FYB1: variants seen among roughly 807,000 people sequenced by gnomAD.
The protein encoded by FYB1 is FYN binding protein 1.
In FYB1, 41 loss-of-function variants were observed where a neutral mutation model predicts 94.1. The observed-to-expected ratio is 0.44, with a 90% confidence interval of 0.34 to 0.57. The LOEUF is 0.57. FYB1 is among the 20% of genes least tolerant of loss of function. The probability of loss-of-function intolerance (pLI) is 0.02; values close to 1 mark genes in which losing one functional copy is unlikely to be tolerated. For missense variants in FYB1, 1,050 were observed against 976.8 expected (o/e 1.07, Z -1.00); for synonymous variants, 367 against 353.2 (o/e 1.04, Z -0.44).
At position 39,126,043 on chromosome 5, in the gene FYB1, C is replaced by G; in HGVS notation, c.2000G>C (p.Arg667Pro). 1 of 1,613,424 alleles carries G rather than the reference C, an allele frequency of 6.2e-7. No individual in the cohort carries two copies. Among genetic ancestry groups the G allele is most frequent in the Non-Finnish European group, 8.5e-7 (1 of 1,179,608 alleles). The change falls in exon 12 of 19, where the codon CGA becomes CCA. Residue 667 changes from arginine to proline, a missense_variant. By Grantham distance (103) the Arg-to-Pro change is moderately radical. Transcript: ENST00000512982. ...TGAGTCAGAGACTTTAGGTTTCTCT[C>G]GTATACTTTTCTTTCTGTCATCTTT... Reference protein sequence around the residue: ...KGKDDRKKSIREKPKVSDSDN... With the variant: ...KGKDDRKKSIPEKPKVSDSDN...
rs539020714 is a variant in FYB1, at chr5:39,166,357, A to G, written c.1136-12753T>C. 4.6e-5 allele frequency among the ~76,000 whole-genome samples: 7 copies of G among 152,024 alleles called. No homozygotes were observed. The South Asian group carries it at 1.5e-3, about 32-fold the overall frequency. ...AGGCTGAGGCAGGAGAATAGCTTGA[A>G]CCCAGGAGGTGGAGGTTGTGGTGAG... On this transcript the variant is annotated intron_variant, in intron 2 of 18. Coordinates refer to ENST00000512982, the MANE Select transcript of FYB1 (RefSeq NM_001465.6).
At chr5:39,114,941 G>A (rs1008257494) in intron 16 of FYB1, among the ~76,000 whole-genome samples, 8 of 152,134 alleles carry the variant, frequency 5.3e-5, no homozygotes, top group Non-Finnish European at 1.2e-4. Context: ...AGCAAAAGAA[G>A]TATCATGGTA....
chr5:39,273,377 T>C (rs1464403925), intron 1 of FYB1, among the ~76,000 whole-genome samples: 2 of 152,226 alleles, frequency 1.3e-5, no homozygotes, highest in African/African-American at 4.8e-5. Context: ...CACAAGTATA[T>C]TTTCATATTT....
At chr5:39,109,019 A>C (rs1738806854) in intron 17 of FYB1, among the ~76,000 whole-genome samples, 1 of 152,138 alleles carries the variant, frequency 6.6e-6, no homozygotes, top group Non-Finnish European at 1.5e-5. Flanking sequence ...ATAAGAAATA[A>C]AAATAGAGAG....
intron 2 of FYB1, among the ~76,000 whole-genome samples, chr5:39,178,692 A>C (rs1248497310): frequency 6.6e-6 from 1 of 152,208 alleles, no homozygotes; most frequent in Admixed American, 6.5e-5. Context: ...AGATTCAAAA[A>C]AATGCATAAG....
At position 39,105,936 on chromosome 5, in the gene FYB1, T is replaced by C. The variant is rs181750610; in HGVS notation, c.*1507A>G. On this transcript the variant is annotated 3_prime_UTR_variant, in exon 19 of 19. Transcript: ENST00000512982. ...TGTTATCAAATTTCAAAGCACCTAA[T>C]GGAAACCCCACTTCATCTCTGTGAA... The C allele has an allele frequency of 1.3e-5, 2 of 152,284 alleles. No homozygotes were observed. The highest frequency in any genetic ancestry group is 6.5e-5 in the Admixed American group (1 of 15,278). 9.4% of individuals were successfully genotyped at this position (152,284 alleles called of 1,614,324 possible). A position where few individuals can be genotyped will look rare whatever the true frequency, so the allele number is the denominator to read the frequency against.
intron 1 of FYB1, among the ~76,000 whole-genome samples, chr5:39,209,329 GT>G (rs5867446): frequency 0.73 from 98,588 of 135,614 alleles, 38,138 homozygotes; most frequent in Non-Finnish European, 0.89. Flanking sequence ...GTTTAAATAT[GT>G]TTTTTTTTTT....
At chr5:39,134,652 T>C (rs1215237064) in intron 8 of FYB1, among the ~76,000 whole-genome samples, 1 of 152,194 alleles carries the variant, frequency 6.6e-6, no homozygotes, top group Non-Finnish European at 1.5e-5. Context: ...TGGAATAATA[T>C]AAAACTGTAC....
Position 39,186,202 on chromosome 5 carries a change from G to T in FYB1, c.1135+15624C>A, listed in dbSNP as rs552931009. Among the ~76,000 whole-genome samples the T allele has an allele frequency of 3.3e-5, 5 of 152,246 alleles. No homozygotes were observed. In the East Asian group the frequency reaches 9.7e-4, roughly 29 times the overall value. Reference sequence around the variant, plus strand: ...ACACTTTGGGAGGCGAAGGCGGGAGGATCACCAGGTCAAGAGATCGAGACC... The same window carrying T: ...ACACTTTGGGAGGCGAAGGCGGGAGTATCACCAGGTCAAGAGATCGAGACC... On this transcript the variant is annotated intron_variant, in intron 2 of 18. Coordinates refer to ENST00000512982, the MANE Select transcript of FYB1 (RefSeq NM_001465.6).
At chr5:39,238,193 T>G (rs1323691693) in intron 1 of FYB1, among the ~76,000 whole-genome samples, 6 of 152,058 alleles carry the variant, frequency 3.9e-5, no homozygotes, top group Non-Finnish European at 5.9e-5. Context: ...CAATATTTAT[T>G]GAGAAGTTCT....
intron 1 of FYB1, among the ~76,000 whole-genome samples, chr5:39,251,101 T>C (rs1011330499): frequency 6.6e-6 from 1 of 152,210 alleles, no homozygotes; most frequent in Admixed American, 6.5e-5. Flanking sequence ...TGGGTGAATG[T>C]ATCTCACTCA....
rs563257255 is a variant in FYB1, at chr5:39,185,641, T to TAC, written c.1135+16183_1135+16184dup. ...ATATATACACACATATATATATATATACACACACACACATAATCACACTGG... is the reference window on the plus strand; with the variant it reads ...ATATATACACACATATATATATATATACACACACACACACATAATCACACTGG... On this transcript the variant is annotated intron_variant, in intron 2 of 18. Transcript: ENST00000512982. Among the ~76,000 whole-genome samples, 1,109 of 145,048 alleles carry TAC rather than the reference T, an allele frequency of 7.6e-3. 18 individuals are homozygous for TAC. The highest frequency in any genetic ancestry group is 0.026 in the African/African-American group (1,028 of 39,348).
At chr5:39,175,764 A>G (rs1386545665) in intron 2 of FYB1, among the ~76,000 whole-genome samples, 2 of 152,088 alleles carry the variant, frequency 1.3e-5, no homozygotes, top group Non-Finnish European at 2.9e-5. Context: ...ACCAGCTTTC[A>G]AGGAAGTGTT....
chr5:39,243,106 T>G (rs1319578196), intron 1 of FYB1, among the ~76,000 whole-genome samples: 1 of 152,196 alleles, frequency 6.6e-6, no homozygotes, highest in African/African-American at 2.4e-5. Flanking sequence ...TTCACTCTGA[T>G]GGTAGTTTCT....
chr5:39,134,246 T>G lies in FYB1; in HGVS notation c.1779A>C (p.Glu593Asp). The G allele has an allele frequency of 6.2e-7, 1 of 1,612,720 alleles. No homozygotes were observed. Among genetic ancestry groups the G allele is most frequent in the Non-Finnish European group, 8.5e-7 (1 of 1,178,932 alleles). The change falls in exon 9 of 19, where the codon GAA becomes GAC. Residue 593 changes from glutamate (E) to aspartate (D), a missense_variant. Transcript: ENST00000512982. ...APSRPIEDDQ[E>D]VYDDVAEQDD... ...CCTGCTCTGCAACATCATCATATACTTCTTGGTCATCTTCAATAGGTCTTG... is the reference window on the plus strand; with the variant it reads ...CCTGCTCTGCAACATCATCATATACGTCTTGGTCATCTTCAATAGGTCTTG...
At chr5:39,125,214 A>G (rs1007995728) in intron 12 of FYB1, among the ~76,000 whole-genome samples, 2 of 152,140 alleles carry the variant, frequency 1.3e-5, no homozygotes, top group African/African-American at 4.8e-5. Context: ...TTACAAGCCA[A>G]TTGGGAATGC....
At chr5:39,258,880 G>A (rs954100048) in intron 1 of FYB1, among the ~76,000 whole-genome samples, 3 of 152,174 alleles carry the variant, frequency 2.0e-5, no homozygotes, top group African/African-American at 7.2e-5. Context: ...GACTGAATAG[G>A]CGGCTGTTGG....
intron 2 of FYB1, among the ~76,000 whole-genome samples, chr5:39,172,521 T>A (rs1395578677): frequency 6.6e-6 from 1 of 152,148 alleles, no homozygotes; most frequent in Admixed American, 6.5e-5. Flanking sequence ...ATGGGTGTAT[T>A]GTGTGACACT....
At chr5:39,260,329 G>T (rs1425442511) in intron 1 of FYB1, among the ~76,000 whole-genome samples, 2 of 152,126 alleles carry the variant, frequency 1.3e-5, no homozygotes, top group Non-Finnish European at 2.9e-5. Flanking sequence ...CATTTATTAT[G>T]CATTGTCTAT....
Sources: allele counts gnomAD v4.1 joint callset (sites outside exome capture counted in the v4.1 genomes callset), GRCh38; gene constraint gnomAD v4.1.1; transcripts MANE v1.5; gene names NCBI Gene and HGNC (gene_info 2026-07-23, HGNC 2026-07-21).